DGKB: variants seen among roughly 807,000 people sequenced by gnomAD.
DGKB encodes the protein 90 kDa diacylglycerol kinase.
Under a neutral mutation model 114.3 loss-of-function variants are expected in DGKB, and 67 were observed. That is an observed-to-expected ratio of 0.59 (90% confidence interval 0.48 to 0.72). DGKB has a LOEUF of 0.72. Among genes scored for constraint, DGKB ranks in the 30% least tolerant of loss-of-function variants. DGKB has a pLI of 0.00. For missense variants in DGKB, 907 were observed against 975.2 expected, an observed-to-expected ratio of 0.93 and a Z score of 0.93; for synonymous variants, 398 against 323.1, an observed-to-expected ratio of 1.23 and a Z score of -2.49.
intron 21 of DGKB, among the ~76,000 whole-genome samples, chr7:14,356,352 CTTTTTTTTTT>C (rs997102742): frequency 2.6e-5 from 2 of 77,224 alleles, no homozygotes; most frequent in African/African-American, 5.2e-5. Flanking sequence ...TTCTCTAGTT[CTTTTTTTTTT>C]TTTTTTTTTT....
At chr7:14,542,546 C>T (rs1271429970) in intron 20 of DGKB, among the ~76,000 whole-genome samples, 9 of 152,150 alleles carry the variant, frequency 5.9e-5, no homozygotes, top group Non-Finnish European at 1.3e-4. Flanking sequence ...TATATAATTT[C>T]ACTAGTTTTG....
At chr7:14,885,934 T>A (rs977919290) in intron 1 of DGKB, among the ~76,000 whole-genome samples, 3 of 151,706 alleles carry the variant, frequency 2.0e-5, no homozygotes, top group African/African-American at 7.3e-5. Flanking sequence ...CCAAGGTGAA[T>A]CTACGGCTAA....
chr7:14,170,134 C>CAAAAAAAA (rs762339951), intron 25 of DGKB, among the ~76,000 whole-genome samples: 1 of 33,082 alleles, frequency 3.0e-5, no homozygotes, highest in Non-Finnish European at 6.0e-5. Context: ...AACTCCATCT[C>CAAAAAAAA]AAAAAAAAAA....
chr7:14,947,095 T>G (rs1355140292), intron 1 of DGKB, among the ~76,000 whole-genome samples: 1 of 151,562 alleles, frequency 6.6e-6, no homozygotes, highest in African/African-American at 2.4e-5. Flanking sequence ...AAATCAATAT[T>G]TATTATACAC....
At chr7:14,214,044 C>A (rs1394253796) in intron 23 of DGKB, among the ~76,000 whole-genome samples, 1 of 152,010 alleles carries the variant, frequency 6.6e-6, no homozygotes, top group Non-Finnish European at 1.5e-5. Context: ...TATACTTTCA[C>A]TTTTGTTCAT....
intron 25 of DGKB, among the ~76,000 whole-genome samples, chr7:14,171,084 C>A (rs773475160): frequency 1.3e-5 from 2 of 152,128 alleles, no homozygotes; most frequent in Non-Finnish European, 2.9e-5. Context: ...GGGATTGGTC[C>A]CGCACCAGGT....
At chr7:14,495,312 G>C (rs1398476210) in intron 20 of DGKB, among the ~76,000 whole-genome samples, 1 of 151,752 alleles carries the variant, frequency 6.6e-6, no homozygotes, top group Non-Finnish European at 1.5e-5. Context: ...GAAACCTTTT[G>C]TGCTTTAAAA....
intron 1 of DGKB, among the ~76,000 whole-genome samples, chr7:14,968,473 A>G (rs1176440562): frequency 6.6e-6 from 1 of 152,184 alleles, no homozygotes; most frequent in East Asian, 1.9e-4. Flanking sequence ...AAACAATTTA[A>G]TAAGTTCTTT....
intron 15 of DGKB, 85 bp downstream of exon 15, chr7:14,621,293 G>C: frequency 1.3e-6 from 1 of 753,466 alleles, no homozygotes; most frequent in South Asian, 1.7e-5. Flanking sequence ...TTAAACAAAT[G>C]TGTTGATAGC....
intron 25 of DGKB, among the ~76,000 whole-genome samples, chr7:14,164,304 T>C (rs1784335222): frequency 6.6e-6 from 1 of 152,192 alleles, no homozygotes; most frequent in Non-Finnish European, 1.5e-5. Context: ...TTAAAAACGG[T>C]GTGTCTACCA....
At chr7:14,848,724 C>T (rs936885229) in intron 1 of DGKB, among the ~76,000 whole-genome samples, 1 of 152,128 alleles carries the variant, frequency 6.6e-6, no homozygotes, top group African/African-American at 2.4e-5. Context: ...ACACTTTTCC[C>T]AGACAAGAAT....
chr7:14,260,545 A>G lies in DGKB; in HGVS notation c.2122+77970T>C, dbSNP rs1179718727. On this transcript the variant is annotated intron_variant, in intron 23 of 25. Transcript: ENST00000402815. ...TTTATAAGAAGTCTTGGGCATTTTT[A>G]ATCCTTTAAATAATAGGCATTATTG... 2.6e-5 allele frequency among the ~76,000 whole-genome samples: 4 copies of G among 152,168 alleles called. No homozygotes were observed. The East Asian group carries it at 7.7e-4, about 29-fold the overall frequency.
chr7:14,867,384 G>A (rs1851844460), intron 1 of DGKB, among the ~76,000 whole-genome samples: 1 of 151,066 alleles, frequency 6.6e-6, no homozygotes, highest in African/African-American at 2.4e-5. Context: ...TTAATTTCAA[G>A]TTAATTTGTG....
At chr7:14,879,346 G>A (rs920854974) in intron 1 of DGKB, among the ~76,000 whole-genome samples, 8 of 149,432 alleles carry the variant, frequency 5.4e-5, no homozygotes, top group South Asian at 2.1e-4. Flanking sequence ...AAATGAATGC[G>A]GTCAGGATCA....
intron 20 of DGKB, among the ~76,000 whole-genome samples, chr7:14,531,332 A>C (rs1791552436): frequency 6.6e-6 from 1 of 151,500 alleles, no homozygotes; most frequent in Non-Finnish European, 1.5e-5. Context: ...CAAAAACATC[A>C]CTGGAATTTA....
intron 17 of DGKB, among the ~76,000 whole-genome samples, chr7:14,605,395 T>C (rs186939130): frequency 6.7e-6 from 1 of 149,638 alleles, no homozygotes; most frequent in East Asian, 1.9e-4. Flanking sequence ...TATATGTGTG[T>C]GTGTGTGTGT....
chr7:14,747,775 G>GCGTGCGCGCGCACACACACACA, intron 4 of DGKB, among the ~76,000 whole-genome samples: 1 of 149,178 alleles, frequency 6.7e-6, no homozygotes, highest in Admixed American at 6.7e-5. Context: ...ACATCCACGC[G>GCGTGCGCGCGCACACACACACA]CACGCACACA....
At chr7:14,588,603 T>C (rs1225445841) in intron 17 of DGKB, among the ~76,000 whole-genome samples, 1 of 152,158 alleles carries the variant, frequency 6.6e-6, no homozygotes, top group Admixed American at 6.6e-5. Context: ...CTCCCTTTCA[T>C]CCTTCCTTTT....
rs149720283 is a variant in DGKB, at chr7:14,238,632, G to T, written c.2123-60481C>A. Among the ~76,000 whole-genome samples, 428 of 151,910 alleles carry T rather than the reference G, an allele frequency of 2.8e-3. 2 individuals carry two copies. The highest frequency in any genetic ancestry group is 1.0e-2 in the African/African-American group (414 of 41,446). ...GCAAATCATTCTGAAAATGGTACAGGACAGAGGGTTAAAGTTGTTGTCTTC... is the reference window on the plus strand; with the variant it reads ...GCAAATCATTCTGAAAATGGTACAGTACAGAGGGTTAAAGTTGTTGTCTTC... On this transcript the variant is annotated intron_variant, in intron 23 of 25. Transcript: ENST00000402815.
Sources: allele counts gnomAD v4.1 joint callset (sites outside exome capture counted in the v4.1 genomes callset), GRCh38; gene constraint gnomAD v4.1.1; transcripts MANE v1.5; gene names NCBI Gene and HGNC (gene_info 2026-07-23, HGNC 2026-07-21).